Variants in LRRC74A observed in about 807,000 individuals in gnomAD.
LRRC74A encodes leucine-rich repeat-containing protein 74A.
LRRC74A carries 44 observed loss-of-function variants against 57.9 expected under a neutral mutation model. That is an observed-to-expected ratio of 0.76 (90% confidence interval 0.60 to 0.98). LRRC74A has a LOEUF of 0.98. LRRC74A is among the 50% of genes least tolerant of loss of function. The probability of loss-of-function intolerance (pLI) is 0.00; values close to 1 mark genes in which losing one functional copy is unlikely to be tolerated. For missense variants in LRRC74A, 572 were observed against 574.0 expected (o/e 1.00, Z 0.04); for synonymous variants, 211 against 219.4 (o/e 0.96, Z 0.34).
At chr14:76,853,784 G>C (rs1231589944) in intron 9 of LRRC74A, among the ~76,000 whole-genome samples, 1 of 151,918 alleles carries the variant, frequency 6.6e-6, no homozygotes, top group Admixed American at 6.6e-5. Flanking sequence ...ACAGGGTCTG[G>C]CTCTGTCCCC....
At chr14:76,867,212 GT>G in intron 12 of LRRC74A, 143 bp from the exon 13 acceptor site, 1 of 330,850 alleles carries the variant, frequency 3.0e-6, no homozygotes, top group Non-Finnish European at 5.5e-6. Context: ...GGGGTGGGGT[GT>G]GTGTGTGTGT....
intron 3 of LRRC74A, 42 bp from the exon 4 acceptor site, chr14:76,836,165 A>G (rs749438120): frequency 1.4e-5 from 21 of 1,473,982 alleles, no homozygotes; most frequent in Non-Finnish European, 1.9e-5. Context: ...TGGGTCACCA[A>G]CCACTTCTGT....
chr14:76,849,270 C>A (rs899186432), intron 7 of LRRC74A, among the ~76,000 whole-genome samples: 5 of 152,012 alleles, frequency 3.3e-5, no homozygotes, highest in African/African-American at 1.2e-4. Context: ...ATTCTCGTGC[C>A]TCAACCTCCT....
chr14:76,834,266 T>C (rs1194269527), intron 3 of LRRC74A, among the ~76,000 whole-genome samples: 3 of 152,176 alleles, frequency 2.0e-5, no homozygotes, highest in Non-Finnish European at 4.4e-5. Context: ...ATTAATGAAG[T>C]GTTAGGAACG....
At chr14:76,849,702 G>A (rs1463390408) in intron 7 of LRRC74A, among the ~76,000 whole-genome samples, 1 of 149,456 alleles carries the variant, frequency 6.7e-6, no homozygotes, top group Non-Finnish European at 1.5e-5. Flanking sequence ...ACTCGGGAGG[G>A]TGAGGCAGGA....
chr14:76,853,148 G>A (rs889916112), intron 8 of LRRC74A, 68 bp from the exon 9 acceptor site: 50 of 1,446,208 alleles, frequency 3.5e-5, no homozygotes, highest in Admixed American at 7.4e-5. Flanking sequence ...GGTAGAAATC[G>A]GGACCCTTTT....
At chr14:76,853,569 A>G (rs899147296) in intron 9 of LRRC74A, among the ~76,000 whole-genome samples, 159 bp downstream of exon 9, 4 of 151,930 alleles carry the variant, frequency 2.6e-5, no homozygotes, top group African/African-American at 9.7e-5. Context: ...CTTGACTGTA[A>G]ATGCAGTGAC....
intron 7 of LRRC74A, among the ~76,000 whole-genome samples, chr14:76,847,173 G>A (rs193237663): frequency 3.3e-4 from 51 of 152,280 alleles, no homozygotes; most frequent in African/African-American, 1.2e-3. Flanking sequence ...AAATGCTGTT[G>A]AGAGATCAAA....
chr14:76,853,029 AG>A (rs1324358961), intron 8 of LRRC74A, among the ~76,000 whole-genome samples, 186 bp from the exon 9 acceptor site: 1 of 152,162 alleles, frequency 6.6e-6, no homozygotes, highest in Non-Finnish European at 1.5e-5. Flanking sequence ...AGCCAAAGGG[AG>A]GGAGTCTCAT....
chr14:76,850,729 G>A (rs556954660), intron 7 of LRRC74A, among the ~76,000 whole-genome samples: 62 of 152,024 alleles, frequency 4.1e-4, no homozygotes, highest in Middle Eastern at 3.4e-3. Context: ...TTAGCTGGGC[G>A]TGGTGGCAGG....
At chr14:76,864,866 A>C (rs1425289495) in intron 11 of LRRC74A, among the ~76,000 whole-genome samples, 1 of 152,214 alleles carries the variant, frequency 6.6e-6, no homozygotes, top group African/African-American at 2.4e-5. Context: ...AATAAAAAAA[A>C]AGAGAGGAAA....
chr14:76,841,509 T>C (rs1896768459), intron 5 of LRRC74A, among the ~76,000 whole-genome samples: 1 of 152,020 alleles, frequency 6.6e-6, no homozygotes. Context: ...CAGTTTCTCC[T>C]CCAGGTGAAT....
intron 10 of LRRC74A, among the ~76,000 whole-genome samples, chr14:76,859,781 T>C (rs1015218362): frequency 6.6e-6 from 1 of 150,506 alleles, no homozygotes; most frequent in Non-Finnish European, 1.5e-5. Flanking sequence ...GTTCAAGCGA[T>C]TCTCCTGCCT....
intron 1 of LRRC74A, among the ~76,000 whole-genome samples, chr14:76,827,320 A>G (rs890330841): frequency 7.2e-5 from 11 of 152,234 alleles, no homozygotes; most frequent in African/African-American, 2.6e-4. Context: ...ATTAAGAAAG[A>G]CCTGCATGGA....
At chr14:76,869,614 T>C (rs1408858370) in intron 13 of LRRC74A, among the ~76,000 whole-genome samples, 1 of 151,798 alleles carries the variant, frequency 6.6e-6, no homozygotes. Context: ...TAGTGAAAAT[T>C]AGCCAGGTGT....
chr14:76,846,134 T>G (rs1897105275), intron 7 of LRRC74A, among the ~76,000 whole-genome samples: 1 of 152,170 alleles, frequency 6.6e-6, no homozygotes, highest in African/African-American at 2.4e-5. Context: ...TAGACAATGA[T>G]AAATAGCCTC....
intron 5 of LRRC74A, among the ~76,000 whole-genome samples, chr14:76,840,290 GA>G (rs1217416161): frequency 6.6e-6 from 1 of 151,700 alleles, no homozygotes; most frequent in Non-Finnish European, 1.5e-5. Flanking sequence ...AAAAGAAAAA[GA>G]AAAAAAATTA....
intron 13 of LRRC74A, among the ~76,000 whole-genome samples, chr14:76,869,395 A>C (rs954841010): frequency 8.5e-5 from 13 of 152,184 alleles, no homozygotes; most frequent in African/African-American, 2.9e-4. Flanking sequence ...GCAGAGTTTT[A>C]ATTTTTATTG....
At position 76,831,511 on chromosome 14, in the gene LRRC74A, T is replaced by C. The variant is rs551502655; in HGVS notation, c.339+136T>C. 5.5e-6 allele frequency: 5 copies of C among 908,772 alleles called. No homozygotes were observed. The African/African-American group carries it at 8.3e-5, about 15-fold the overall frequency. The allele number at this position is 908,772 out of a possible 1,614,324, so 56.3% of individuals were successfully genotyped here. A position where few individuals can be genotyped will look rare whatever the true frequency, so the allele number is the denominator to read the frequency against. On this transcript the variant is annotated intron_variant, in intron 3 of 13. Transcript: ENST00000689127. ...GCCCTTATGCCACACTGCCCTGGGC[T>C]CTGCTTGGCTGCCAGATGATTTATT... is the stretch of plus-strand genomic sequence containing the variant.
Sources: allele counts gnomAD v4.1 joint callset (sites outside exome capture counted in the v4.1 genomes callset), GRCh38; gene constraint gnomAD v4.1.1; transcripts MANE v1.5; gene names NCBI Gene and HGNC (gene_info 2026-07-23, HGNC 2026-07-21).